ULK1: variants seen among roughly 807,000 people sequenced by gnomAD.
ULK1 encodes serine/threonine-protein kinase ULK1.
A neutral mutation model predicts 117.5 loss-of-function variants in ULK1; 48 were observed. The observed-to-expected ratio is 0.41, with a 90% confidence interval of 0.32 to 0.52. The LOEUF (loss-of-function observed/expected upper bound fraction) is 0.52, where lower values mean the gene tolerates loss of function less well. Among genes scored for constraint, ULK1 ranks in the 20% least tolerant of loss-of-function variants. The pLI is 0.29. For missense variants in ULK1, 1,387 were observed against 1,473.4 expected, an observed-to-expected ratio of 0.94 and a Z score of 0.96; for synonymous variants, 790 against 637.8, an observed-to-expected ratio of 1.24 and a Z score of -3.60.
chr12:131,899,962 C>T (rs892698038), intron 3 of ULK1, among the ~76,000 whole-genome samples: 1 of 152,018 alleles, frequency 6.6e-6, no homozygotes, highest in African/African-American at 2.4e-5. Context: ...TATTAAAATA[C>T]AAAAATTAGC....
chr12:131,909,700 C>G (rs1889441270), intron 8 of ULK1, 75 bp from the exon 9 acceptor site: 1 of 1,417,830 alleles, frequency 7.1e-7, no homozygotes, highest in African/African-American at 1.4e-5. Flanking sequence ...CGACTGGGGA[C>G]GAACGCACCG....
chr12:131,920,951 AC>A, intron 26 of ULK1, 148 bp from the exon 27 acceptor site: 1 of 1,146,196 alleles, frequency 8.7e-7, no homozygotes, highest in South Asian at 1.6e-5. Flanking sequence ...TCCCCTCTGC[AC>A]AGCAGGCTGC....
At chr12:131,900,780 C>G (rs1044755784) in intron 3 of ULK1, among the ~76,000 whole-genome samples, 1 of 152,248 alleles carries the variant, frequency 6.6e-6, no homozygotes, top group Admixed American at 6.5e-5. Context: ...AAGAGGTGTC[C>G]AGCCCTGCTT....
intron 3 of ULK1, chr12:131,906,513 C>T (rs547522858): frequency 3.2e-4 from 76 of 235,394 alleles, no homozygotes; most frequent in Non-Finnish European, 5.7e-4. Flanking sequence ...TGAGCCACTG[C>T]GACCAGCCCT....
intron 8 of ULK1, 70 bp from the exon 9 acceptor site, chr12:131,909,705 G>C: frequency 7.0e-7 from 1 of 1,433,926 alleles, no homozygotes; most frequent in East Asian, 2.5e-5. Flanking sequence ...GGGGACGAAC[G>C]CACCGAGACC....
At position 131,909,673 on chromosome 12, in the gene ULK1, G is replaced by T. The variant is rs1207376660; in HGVS notation, c.667-102G>T. 3 of 1,259,966 alleles carry T rather than the reference G, an allele frequency of 2.4e-6. No individual in the cohort carries two copies. The East Asian group carries it at 7.9e-5, about 33-fold the overall frequency. 78.0% of individuals were successfully genotyped at this position (1,259,966 alleles called of 1,614,324 possible). On this transcript the variant is annotated intron_variant, in intron 8 of 27. Transcript: ENST00000321867. ...CACCCGGTTTCCCCCGGGCTTCGCAGCGTCTGGGGCAGGGGCCGACTGGGG... is the reference window on the plus strand; with the variant it reads ...CACCCGGTTTCCCCCGGGCTTCGCATCGTCTGGGGCAGGGGCCGACTGGGG...
intron 18 of ULK1, 134 bp downstream of exon 18, chr12:131,915,555 C>A: frequency 9.0e-7 from 1 of 1,113,282 alleles, no homozygotes; most frequent in Non-Finnish European, 1.3e-6. Context: ...AAGCCAACTG[C>A]CTCTCCACCT....
rs766016454 is a variant in ULK1 at position 131,915,372 on chromosome 12, G to A, written c.1560G>A (p.Thr520=). Residue 520 remains threonine (T), a synonymous_variant, in exon 18 of 28, where the codon ACG becomes ACA. Transcript: ENST00000321867. The part of the protein sequence containing the change: ...TIPERPGWSG[T]PSPQGAEMRG... Reference sequence around the variant, plus strand: ...CTGAGCGGCCAGGCTGGAGCGGGACGCCCTCCCCACAGGGAGCTGAGATGC... The same window carrying A: ...CTGAGCGGCCAGGCTGGAGCGGGACACCCTCCCCACAGGGAGCTGAGATGC... 16 of 1,612,676 alleles carry A rather than the reference G, an allele frequency of 9.9e-6. No homozygotes were observed. The highest frequency in any genetic ancestry group is 3.3e-5 in the South Asian group (3 of 91,092).
intron 8 of ULK1, 36 bp downstream of exon 8, chr12:131,909,273 G>A (rs778113484): frequency 7.2e-6 from 11 of 1,532,708 alleles, no homozygotes; most frequent in East Asian, 2.5e-5. Context: ...ACGCCGCACC[G>A]TCAGTGCAAG....
intron 3 of ULK1, among the ~76,000 whole-genome samples, chr12:131,906,186 C>T (rs370166600): frequency 6.6e-6 from 1 of 152,186 alleles, no homozygotes; most frequent in African/African-American, 2.4e-5. Flanking sequence ...CTTCTCCTCC[C>T]GGGTTCAAGT....
At chr12:131,910,094 C>G (rs1389749590) in intron 10 of ULK1, 93 bp downstream of exon 10, 9 of 1,566,990 alleles carry the variant, frequency 5.7e-6, no homozygotes, top group South Asian at 1.1e-5. Flanking sequence ...ACACCCAGCC[C>G]CATGTGCACA....
Position 131,918,633 on chromosome 12 carries a change from G to T in ULK1, c.2463G>T (p.Gly821=). 1 of 1,610,064 alleles carries T rather than the reference G, an allele frequency of 6.2e-7. No homozygotes were observed. Among genetic ancestry groups the T allele is most frequent in the Non-Finnish European group, 8.5e-7 (1 of 1,178,704 alleles). The change falls in exon 23 of 28, where the codon GGG becomes GGT. Residue 821 remains glycine, a synonymous_variant. Coordinates refer to ENST00000321867, the MANE Select transcript of ULK1 (RefSeq NM_003565.4). ...ACCCCATTACTGCGAACCTGGAGGG[G>T]GCTGTGACCTTCGAGGCCCCCGACC... ...FADPITANLE[G]AVTFEAPDLP...
At chr12:131,917,952 G>A (rs1159037446) in intron 22 of ULK1, among the ~76,000 whole-genome samples, 1 of 152,202 alleles carries the variant, frequency 6.6e-6, no homozygotes, top group Non-Finnish European at 1.5e-5. Flanking sequence ...CCAGCCAGTG[G>A]TGTGTGGGGA....
chr12:131,910,923 G>A, intron 12 of ULK1, 123 bp downstream of exon 12: 1 of 1,479,930 alleles, frequency 6.8e-7, no homozygotes, highest in Non-Finnish European at 9.0e-7. Flanking sequence ...CGAAAGACAT[G>A]GATGAGTTCA....
chr12:131,905,918 G>A (rs1051692915), intron 3 of ULK1, among the ~76,000 whole-genome samples: 2 of 152,186 alleles, frequency 1.3e-5, no homozygotes, highest in Non-Finnish European at 2.9e-5. Flanking sequence ...TGAGCTGAGG[G>A]CTGAGCAGCT....
intron 14 of ULK1, 133 bp downstream of exon 14, chr12:131,913,391 CAAAA>C (rs1214465524): frequency 8.6e-6 from 6 of 698,032 alleles, no homozygotes; most frequent in African/African-American, 4.5e-5. Context: ...GACTCTGTCT[CAAAA>C]AAAAAAAAAG....
chr12:131,911,721 G>A (rs959511440), intron 12 of ULK1, among the ~76,000 whole-genome samples: 3 of 151,746 alleles, frequency 2.0e-5, no homozygotes, highest in African/African-American at 7.2e-5. Flanking sequence ...AGAGTGGCTC[G>A]TCGGGGGGCC....
At chr12:131,905,695 C>G (rs752697537) in intron 3 of ULK1, among the ~76,000 whole-genome samples, 2 of 152,186 alleles carry the variant, frequency 1.3e-5, no homozygotes, top group Non-Finnish European at 2.9e-5. Context: ...CTGGGCCTCA[C>G]TCTCCTTGTC....
chr12:131,918,595 T>G lies in ULK1; in HGVS notation c.2425T>G (p.Cys809Gly). The G allele has an allele frequency of 1.2e-6, 2 of 1,610,826 alleles. No homozygotes were observed. Among genetic ancestry groups the G allele is most frequent in the Non-Finnish European group, 1.7e-6 (2 of 1,178,972 alleles). ...TGAGCTCCCTGCTCCAGGACACGGC[T>G]GCAGCTTTGCCGACCCCATTACTGC... The part of the protein sequence containing the change: ...APELPAPGHG[C>G]SFADPITANL... Residue 809 changes from cysteine to glycine, a missense_variant, in exon 23 of 28, where the codon TGC becomes GGC. By Grantham distance (159) the Cys-to-Gly change is radical. Around this residue, in one of 4 missense-constraint regions of ULK1, gnomAD observed 900 missense variants for 858.9 expected, o/e 1.05. Coordinates refer to ENST00000321867, the MANE Select transcript of ULK1 (RefSeq NM_003565.4).
Sources: allele counts gnomAD v4.1 joint callset (sites outside exome capture counted in the v4.1 genomes callset), GRCh38; gene constraint gnomAD v4.1.1; regional missense constraint gnomAD v4.1.1; transcripts MANE v1.5; gene names NCBI Gene and HGNC (gene_info 2026-07-23, HGNC 2026-07-21).